The following TBPL2 variants were observed in gnomAD, a reference collection of about 807,000 sequenced individuals.
TBPL2 encodes the protein TATA box-binding protein-like 2.
TBPL2 carries 40 observed loss-of-function variants against 38.2 expected under a neutral mutation model. That is an observed-to-expected ratio of 1.05 (90% CI 0.81 to 1.36). The LOEUF is 1.36. Among genes scored for constraint, TBPL2 ranks in the 40% most tolerant of loss-of-function variants. TBPL2 has a pLI of 0.00. For missense variants in TBPL2, 461 were observed against 456.7 expected (o/e 1.01, Z -0.09); for synonymous variants, 169 against 171.7 (o/e 0.98, Z 0.12).
intron 5 of TBPL2, among the ~76,000 whole-genome samples, 194 bp downstream of exon 5, chr14:55,428,613 C>A (rs1885870516): frequency 1.3e-5 from 2 of 151,748 alleles, no homozygotes; most frequent in Non-Finnish European, 2.9e-5. Flanking sequence ...GTTTAAGAAC[C>A]ATGGTTTCAA....
chr14:55,414,524 T>G (rs1885641040), intron 6 of TBPL2, 69 bp from the exon 7 acceptor site: 13 of 1,117,786 alleles, frequency 1.2e-5, no homozygotes. Flanking sequence ...ACACTAAAAT[T>G]TCATTGTATT....
At chr14:55,415,436 A>T (rs1184985404) in intron 6 of TBPL2, among the ~76,000 whole-genome samples, 4 of 152,198 alleles carry the variant, frequency 2.6e-5, no homozygotes, top group African/African-American at 9.6e-5. Flanking sequence ...TGACCCAACA[A>T]TTTCACGCCT....
At chr14:55,417,083 G>T (rs1181791658) in intron 6 of TBPL2, among the ~76,000 whole-genome samples, 1 of 152,208 alleles carries the variant, frequency 6.6e-6, no homozygotes, top group Non-Finnish European at 1.5e-5. Context: ...ACATTTGAGG[G>T]ATCATTATAT....
At chr14:55,427,718 C>CG (rs1259171902) in intron 5 of TBPL2, among the ~76,000 whole-genome samples, 1 of 151,562 alleles carries the variant, frequency 6.6e-6, no homozygotes, top group Admixed American at 6.6e-5. Context: ...CGGCTGGGGG[C>CG]GGGGGAGGAG....
At chr14:55,432,910 A>T (rs1885954854) in intron 4 of TBPL2, among the ~76,000 whole-genome samples, 1 of 152,206 alleles carries the variant, frequency 6.6e-6, no homozygotes, top group South Asian at 2.1e-4. Flanking sequence ...GAGCTAATGC[A>T]AGCTAATGCT....
At position 55,428,789 on chromosome 14, in the gene TBPL2, G is replaced by T. The variant is rs372131003; in HGVS notation, c.956+18C>A. ...ATATCTTGGTAAATTCAAAGTTCAAGCTATATAACCGTCATACCTACTGAA... is the reference window on the plus strand; with the variant it reads ...ATATCTTGGTAAATTCAAAGTTCAATCTATATAACCGTCATACCTACTGAA... On this transcript the variant is annotated intron_variant, in intron 5 of 6. Coordinates refer to ENST00000247219, the Ensembl canonical transcript of TBPL2. 23 of 1,599,002 alleles carry T rather than the reference G, an allele frequency of 1.4e-5. No individual in the cohort carries two copies. In the African/African-American group the frequency reaches 2.8e-4, roughly 20 times the overall value.
At chr14:55,414,712 G>A (rs1885643570) in intron 6 of TBPL2, among the ~76,000 whole-genome samples, 9 of 152,174 alleles carry the variant, frequency 5.9e-5, no homozygotes, top group Admixed American at 5.9e-4. Flanking sequence ...AGTATGAAAT[G>A]TGGAATGTTA....
Position 55,440,377 on chromosome 14 carries a change from A to G in TBPL2, c.150+19T>C. 1.9e-6 allele frequency: 3 copies of G among 1,612,798 alleles called. No homozygotes were observed. Among genetic ancestry groups the G allele is most frequent in the Non-Finnish European group, 8.5e-7 (1 of 1,179,934 alleles). ...GCGGGACTTGGGTCCTGACTCTGGGACAGTGGCGGCAGCCTCACCTGAGCG... is the reference window on the plus strand; with the variant it reads ...GCGGGACTTGGGTCCTGACTCTGGGGCAGTGGCGGCAGCCTCACCTGAGCG... On this transcript the variant is annotated intron_variant, in intron 1 of 6. Transcript: ENST00000247219.
intron 6 of TBPL2, among the ~76,000 whole-genome samples, chr14:55,420,174 G>T (rs542756569): frequency 6.6e-6 from 1 of 152,272 alleles, no homozygotes; most frequent in Non-Finnish European, 1.5e-5. Context: ...AGGTTCAAGC[G>T]ATTCTCCTGC....
chr14:55,434,379 G>A (rs1008286933), intron 3 of TBPL2, among the ~76,000 whole-genome samples: 2 of 152,044 alleles, frequency 1.3e-5, no homozygotes, highest in African/African-American at 4.8e-5. Flanking sequence ...CCACATGGAC[G>A]TGTCATCAAA....
chr14:55,426,259 C>T (rs1012489405), intron 5 of TBPL2, among the ~76,000 whole-genome samples: 3 of 145,396 alleles, frequency 2.1e-5, no homozygotes, highest in Admixed American at 2.1e-4. Flanking sequence ...AAGAGCAAAA[C>T]TCCATCTCAA....
exon 2 of TBPL2, chr14:55,436,994 G>T: frequency 1.2e-6 from 2 of 1,614,104 alleles, no homozygotes; most frequent in South Asian, 2.2e-5. Flanking sequence ...CTGAACAGGG[G>T]AGACCTGGGT....
chr14:55,420,885 C>CCG (rs1038631495), intron 6 of TBPL2, among the ~76,000 whole-genome samples: 6 of 151,748 alleles, frequency 4.0e-5, no homozygotes, highest in Non-Finnish European at 7.4e-5. Flanking sequence ...CGGTGAAACC[C>CCG]CGTCTCTACT....
intron 5 of TBPL2, among the ~76,000 whole-genome samples, chr14:55,426,344 A>G (rs1671644546): frequency 6.6e-6 from 1 of 152,160 alleles, no homozygotes; most frequent in Non-Finnish European, 1.5e-5. Context: ...ATGTCATAGA[A>G]AGATTACCAG....
intron 5 of TBPL2, among the ~76,000 whole-genome samples, chr14:55,428,119 C>CTTTTTTCTTTTTT (rs1885859429): frequency 2.3e-5 from 1 of 43,332 alleles, no homozygotes; most frequent in Non-Finnish European, 3.8e-5. Flanking sequence ...CATGCCTTAT[C>CTTTTTTCTTTTTT]TTTTTTTTTT....
At chr14:55,435,980 T>TTAA (rs1886006795) in intron 2 of TBPL2, 46 bp from the exon 3 acceptor site, 1 of 862,962 alleles carries the variant, frequency 1.2e-6, no homozygotes, top group Middle Eastern at 3.0e-4. Context: ...ATATAAAGAG[T>TTAA]AAAAAAAAAA....
rs144313315 is a variant in TBPL2, at chr14:55,424,219, T to A, written c.991A>T (p.Arg331Ter). Residue 331 changes from arginine (R) to a stop codon, truncating the protein, a stop_gained, in exon 6 of 7, where the codon AGA becomes TGA. Coordinates refer to ENST00000247219, the Ensembl canonical transcript of TBPL2. LOFTEE classifies it high-confidence loss of function. The stretch of plus-strand genomic sequence containing the variant: ...AACACAATTCGTGGTTTTACCATTC[T>A]ATAAATAAGACCAGGAAACAGTTCA... 5.7e-4 allele frequency: 922 copies of A among 1,613,432 alleles called. 5 individuals carry two copies. Among genetic ancestry groups the A allele is most frequent in the Non-Finnish European group, 7.2e-5 (85 of 1,179,584 alleles).
At chr14:55,415,409 GTTAAAGAATTACTACATGACCCAACAA>G (rs1287978584) in intron 6 of TBPL2, among the ~76,000 whole-genome samples, 1 of 152,150 alleles carries the variant, frequency 6.6e-6, no homozygotes, top group Non-Finnish European at 1.5e-5. Context: ...CGGTGGTTAA[GTTAAAGAATTACTACATGACCCAACAA>G]TTTCACGCCT....
intron 6 of TBPL2, among the ~76,000 whole-genome samples, chr14:55,415,966 C>T (rs1594788431): frequency 6.6e-6 from 1 of 152,120 alleles, no homozygotes; most frequent in Non-Finnish European, 1.5e-5. Context: ...TTAGGCTCAT[C>T]TAAGTGAAAA....
Sources: allele counts gnomAD v4.1 joint callset (sites outside exome capture counted in the v4.1 genomes callset), GRCh38; gene constraint gnomAD v4.1.1; transcripts MANE v1.5; gene names NCBI Gene and HGNC (gene_info 2026-07-23, HGNC 2026-07-21).